ROCK2: variants seen among roughly 807,000 people sequenced by gnomAD.
ROCK2 encodes Rho associated coiled-coil containing protein kinase 2, also known as rho-associated protein kinase 2.
A neutral mutation model predicts 195.1 loss-of-function variants in ROCK2; 61 were observed. The observed-to-expected ratio is 0.31, with a 90% CI of 0.25 to 0.39. The LOEUF is 0.39. Among genes scored for constraint, ROCK2 ranks in the 10% least tolerant of loss-of-function variants. The pLI is 1.00. For missense variants in ROCK2, 1,109 were observed against 1,637.4 expected (o/e 0.68, Z 5.57); for synonymous variants, 504 against 545.5 (o/e 0.92, Z 1.06).
chr2:11,231,769 T>C (rs1177615716), intron 5 of ROCK2, among the ~76,000 whole-genome samples: 1 of 152,194 alleles, frequency 6.6e-6, no homozygotes, highest in Non-Finnish European at 1.5e-5. Flanking sequence ...TATAATTTAA[T>C]GAGATACTAT....
At chr2:11,224,722 T>G (rs1034695656) in intron 6 of ROCK2, among the ~76,000 whole-genome samples, 55 of 142,172 alleles carry the variant, frequency 3.9e-4, no homozygotes, top group Admixed American at 4.8e-4. Context: ...TTTGTTGAGT[T>G]TTTTTTTTTT....
chr2:11,244,756 C>A (rs993044994), intron 4 of ROCK2, among the ~76,000 whole-genome samples: 3 of 151,680 alleles, frequency 2.0e-5, no homozygotes, highest in Non-Finnish European at 2.9e-5. Context: ...AGAGTGAGAT[C>A]CTGTCTCTAG....
chr2:11,256,104 CAATT>C lies in ROCK2; in HGVS notation c.325-6310_325-6307del, dbSNP rs202127070. Among the ~76,000 whole-genome samples the C allele has an allele frequency of 3.8e-3, 574 of 150,714 alleles. 2 individuals carry two copies. The highest frequency in any genetic ancestry group is 6.1e-3 in the Non-Finnish European group (413 of 67,922). On this transcript the variant is annotated intron_variant, in intron 3 of 32. Coordinates refer to ENST00000315872, the MANE Select transcript of ROCK2 (RefSeq NM_004850.5). ...GTAATTATAAATGGATTAAATACTC[CAATT>C]AATAAACATAAATTATAAAAACTGA...
intron 1 of ROCK2, among the ~76,000 whole-genome samples, chr2:11,333,046 TTAG>T (rs1668817400): frequency 6.6e-6 from 1 of 151,982 alleles, no homozygotes; most frequent in Admixed American, 6.6e-5. Flanking sequence ...TCAAGGGAAT[TTAG>T]GGGGGGTGAT....
At chr2:11,187,688 T>G (rs1242862971) in intron 32 of ROCK2, among the ~76,000 whole-genome samples, 2 of 152,240 alleles carry the variant, frequency 1.3e-5, no homozygotes, top group Non-Finnish European at 2.9e-5. Flanking sequence ...AAATACATGG[T>G]GTTTTTTAAA....
intron 3 of ROCK2, among the ~76,000 whole-genome samples, chr2:11,283,466 C>T (rs1667080612): frequency 1.4e-5 from 2 of 146,660 alleles, no homozygotes; most frequent in Admixed American, 6.9e-5. Context: ...GAGGCTGAGG[C>T]AGGAGAATGG....
At chr2:11,275,756 G>A (rs1666803528) in intron 3 of ROCK2, among the ~76,000 whole-genome samples, 1 of 139,524 alleles carries the variant, frequency 7.2e-6, no homozygotes, top group Non-Finnish European at 1.5e-5. Context: ...CTGGAGTACA[G>A]TGGTGCAATC....
intron 30 of ROCK2, 25 bp downstream of exon 30, chr2:11,193,754 C>G (rs770327560): frequency 7.0e-7 from 1 of 1,425,198 alleles, no homozygotes; most frequent in Non-Finnish European, 9.7e-7. Context: ...GCCAACCAAC[C>G]AAATATAAAC....
intron 29 of ROCK2, 162 bp from the exon 30 acceptor site, chr2:11,194,019 A>G (rs1243802814): frequency 4.5e-6 from 2 of 442,796 alleles, no homozygotes; most frequent in Non-Finnish European, 7.8e-6. Context: ...TAAGATTTTT[A>G]GAAACCTCTA....
intron 1 of ROCK2, among the ~76,000 whole-genome samples, chr2:11,306,453 AATT>A (rs1173838473): frequency 6.6e-6 from 1 of 152,164 alleles, no homozygotes; most frequent in Non-Finnish European, 1.5e-5. Context: ...CAAACAATTA[AATT>A]ATTATCTAGC....
intron 1 of ROCK2, 111 bp downstream of exon 1, chr2:11,343,885 G>T: frequency 7.4e-7 from 1 of 1,350,260 alleles, no homozygotes; most frequent in Admixed American, 2.9e-5. Context: ...GCAGGGCGGG[G>T]TGGGGCAAGA....
chr2:11,315,814 T>C (rs2148238260), intron 1 of ROCK2, among the ~76,000 whole-genome samples: 1 of 152,222 alleles, frequency 6.6e-6, no homozygotes, highest in South Asian at 2.1e-4. Context: ...AAATTACATA[T>C]ATCTAAAATA....
chr2:11,328,949 G>A (rs1452194578), intron 1 of ROCK2, among the ~76,000 whole-genome samples: 1 of 151,398 alleles, frequency 6.6e-6, no homozygotes, highest in Non-Finnish European at 1.5e-5. Flanking sequence ...GATAGCATTA[G>A]GAGATATACC....
rs949918552 is a variant in ROCK2 at position 11,244,929 on chromosome 2, G to C, written c.462+4732C>G. ...TATTAGAGTAGTCTTACCGTAATAA[G>C]AAAACCAAGAGCCCATGTTTAAATA... On this transcript the variant is annotated intron_variant, in intron 4 of 32. Transcript: ENST00000315872. Among the ~76,000 whole-genome samples, 6 of 151,834 alleles carry C rather than the reference G, an allele frequency of 4.0e-5. No homozygotes were observed. The East Asian group carries it at 5.8e-4, about 15-fold the overall frequency.
intron 5 of ROCK2, among the ~76,000 whole-genome samples, chr2:11,231,065 T>G (rs1664990417): frequency 6.6e-6 from 1 of 152,036 alleles, no homozygotes; most frequent in South Asian, 2.1e-4. Context: ...AATGCATACC[T>G]TTTTTTAAAA....
At chr2:11,202,644 CCT>C (rs1242936495) in intron 20 of ROCK2, among the ~76,000 whole-genome samples, 2 of 151,890 alleles carry the variant, frequency 1.3e-5, no homozygotes, top group Non-Finnish European at 2.9e-5. Flanking sequence ...ACTACAGGCG[CCT>C]GCCACCACAC....
Position 11,201,225 on chromosome 2 carries a change from A to G in ROCK2, c.2724-82T>C. On this transcript the variant is annotated intron_variant, in intron 22 of 32. Coordinates refer to ENST00000315872, the MANE Select transcript of ROCK2 (RefSeq NM_004850.5). The surrounding 1 kb of genome is among the most constrained non-coding windows in gnomAD (Gnocchi z 4.6). ...TTTTGTCTAATTCACTTCATCAATA[A>G]TTTTTTATTTGGTGATTACCAGGCA... 6.5e-7 allele frequency: 1 copy of G among 1,527,032 alleles called. No homozygotes were observed. The allele number at this position is 1,527,032 out of a possible 1,614,324, so 94.6% of individuals were successfully genotyped here. A position where few individuals can be genotyped will look rare whatever the true frequency, so the allele number is the denominator to read the frequency against.
intron 13 of ROCK2, 31 bp downstream of exon 13, chr2:11,216,127 A>G: frequency 6.3e-7 from 1 of 1,582,922 alleles, no homozygotes; most frequent in Non-Finnish European, 8.7e-7. Context: ...TTACTAACAA[A>G]AATGTTAATA....
chr2:11,264,929 T>C (rs1197505067), intron 3 of ROCK2, among the ~76,000 whole-genome samples: 1 of 152,216 alleles, frequency 6.6e-6, no homozygotes, highest in Non-Finnish European at 1.5e-5. Flanking sequence ...CATGGAAAGA[T>C]GGTTATGACC....
Sources: gnomAD v4.1 joint callset for allele counts (sites outside exome capture counted in the v4.1 genomes callset) on GRCh38, gnomAD v4.1.1 for gene constraint, Gnocchi (gnomAD v3.1) non-coding constraint, MANE v1.5 for transcripts, NCBI Gene and HGNC (gene_info 2026-07-23, HGNC 2026-07-21) for gene names.